Variants in PPM1A observed in about 807,000 individuals in gnomAD.
PPM1A encodes protein phosphatase 1A.
Under a neutral mutation model 35.0 loss-of-function variants are expected in PPM1A, and 7 were observed. That is an observed-to-expected ratio of 0.20 (90% CI 0.11 to 0.38). The LOEUF (loss-of-function observed/expected upper bound fraction) is 0.38, where lower values mean the gene tolerates loss of function less well. Among genes scored for constraint, PPM1A ranks in the 10% least tolerant of loss-of-function variants. The pLI is 1.00. For synonymous variants in PPM1A, 153 were observed against 167.3 expected, an observed-to-expected ratio of 0.91 and a Z score of 0.66; for missense variants, 239 against 467.8, an observed-to-expected ratio of 0.51 and a Z score of 4.51.
chr14:60,284,722 CAT>C (rs752315572), intron 2 of PPM1A, among the ~76,000 whole-genome samples: 14 of 112,398 alleles, frequency 1.2e-4, no homozygotes, highest in East Asian at 4.6e-4. Context: ...TATATATATA[CAT>C]ATATATATAT....
In PPM1A at chr14:60,293,404, CTG is replaced by C. The variant is rs765861195; in HGVS notation, c.*925_*926del. ...TCTTTTACCCTGGCCTTTTAAAACA[CTG>C]TGCCGTTGTAATGAGACGTTTCTCA... On this transcript the variant is annotated 3_prime_UTR_variant, in exon 6 of 6. Transcript: ENST00000395076. The surrounding 1 kb of genome is among the most constrained non-coding windows in gnomAD (Gnocchi z 4.0). The C allele has an allele frequency of 6.6e-6, 1 of 152,012 alleles. No individual in the cohort carries two copies. Among genetic ancestry groups the C allele is most frequent in the Non-Finnish European group, 1.5e-5 (1 of 67,946 alleles). The allele number at this position is 152,012 out of a possible 1,614,324, so 9.4% of individuals were successfully genotyped here. A position where few individuals can be genotyped will look rare whatever the true frequency, so the allele number is the denominator to read the frequency against.
rs1887400772 is a variant in PPM1A, at chr14:60,289,540, T to G, written c.953-266T>G. On this transcript the variant is annotated intron_variant, in intron 3 of 5. Coordinates refer to ENST00000395076, the MANE Select transcript of PPM1A (RefSeq NM_021003.5). This position sits in a 1 kb window ranked among gnomAD's most constrained non-coding sequence, Gnocchi z 4.1. ...TATTCTCACTTGTGCACACATATCC[T>G]TGATTATATAATATGCTGATTTAAC... 6.6e-6 allele frequency among the ~76,000 whole-genome samples: 1 copy of G among 152,178 alleles called. No homozygotes were observed. The highest frequency in any genetic ancestry group is 1.5e-5 in the Non-Finnish European group (1 of 68,012).
At chr14:60,269,473 C>T (rs545146616) in intron 1 of PPM1A, among the ~76,000 whole-genome samples, 1 of 152,164 alleles carries the variant, frequency 6.6e-6, no homozygotes, top group East Asian at 1.9e-4. Flanking sequence ...GGCATTACTT[C>T]GTTGCCTATC....
At chr14:60,255,472 A>G (rs986674610) in intron 1 of PPM1A, among the ~76,000 whole-genome samples, 22 of 152,244 alleles carry the variant, frequency 1.4e-4, no homozygotes, top group African/African-American at 4.8e-4. Context: ...CGCCCGGCCT[A>G]TCATATGTTT....
chr14:60,276,650 T>C (rs1428197951), intron 1 of PPM1A, among the ~76,000 whole-genome samples: 2 of 152,192 alleles, frequency 1.3e-5, no homozygotes, highest in African/African-American at 4.8e-5. Flanking sequence ...TAGAAAAATA[T>C]GTAGGGTTTT....
At chr14:60,276,976 T>C in intron 1 of PPM1A, 1 of 975,858 alleles carries the variant, frequency 1.0e-6, no homozygotes, top group Non-Finnish European at 1.3e-6. Context: ...TTATATCAAA[T>C]ATTAATTCAG....
In PPM1A at chr14:60,296,100, G is replaced by A. The variant is rs1193886315; in HGVS notation, c.*3618G>A. 6.6e-6 allele frequency: 1 copy of A among 151,580 alleles called. No individual in the cohort carries two copies. Among genetic ancestry groups the A allele is most frequent in the East Asian group, 1.9e-4 (1 of 5,198 alleles). The allele number at this position is 151,580 out of a possible 1,614,324, so 9.4% of individuals were successfully genotyped here. On this transcript the variant is annotated 3_prime_UTR_variant, in exon 6 of 6. Coordinates refer to ENST00000395076, the MANE Select transcript of PPM1A (RefSeq NM_021003.5). The surrounding 1 kb of genome is among the most constrained non-coding windows in gnomAD (Gnocchi z 4.4). ...AAATGTAGGTGGGGTTTGAGTTTAA[G>A]GCATTTAAAAATGTAAATATCTCTA...
intron 1 of PPM1A, among the ~76,000 whole-genome samples, chr14:60,266,074 A>T (rs1418236679): frequency 6.6e-6 from 1 of 152,188 alleles, no homozygotes; most frequent in East Asian, 1.9e-4. Flanking sequence ...ATTGGGTGTA[A>T]TAATTTTTTA....
At chr14:60,250,776 A>G (rs1039941201) in intron 1 of PPM1A, among the ~76,000 whole-genome samples, 4 of 152,318 alleles carry the variant, frequency 2.6e-5, no homozygotes, top group East Asian at 1.9e-4. Flanking sequence ...ACCACTTTAC[A>G]TGTGTTGCGC....
chr14:60,263,951 TCTA>T (rs965135071), intron 1 of PPM1A, among the ~76,000 whole-genome samples: 1 of 147,274 alleles, frequency 6.8e-6, no homozygotes, highest in Non-Finnish European at 1.5e-5. Flanking sequence ...CAATGTAATT[TCTA>T]CTTTTTTTTT....
intron 1 of PPM1A, among the ~76,000 whole-genome samples, chr14:60,251,842 GA>G (rs1224806732): frequency 6.6e-6 from 1 of 151,838 alleles, no homozygotes; most frequent in Non-Finnish European, 1.5e-5. Flanking sequence ...AAACTCTTGA[GA>G]GGAAGGAGGA....
At position 60,249,900 on chromosome 14, in the gene PPM1A, CGGG is replaced by C. The variant is rs1298848893; in HGVS notation, c.-21+225_-21+227del. On this transcript the variant is annotated intron_variant, in intron 1 of 5. Transcript: ENST00000395076. The surrounding 1 kb of genome is among the most constrained non-coding windows in gnomAD (Gnocchi z 4.5). ...GAGGGCGGTGGCGGGGAGGCGGGGG[CGGG>C]GTGTTAGTTGCGGTGGCGCGGGGAG... is the stretch of plus-strand genomic sequence containing the variant. Among the ~76,000 whole-genome samples the C allele has an allele frequency of 6.7e-5, 10 of 149,524 alleles. No individual in the cohort carries two copies. The highest frequency in any genetic ancestry group is 5.3e-4 in the Admixed American group (8 of 15,118).
rs1332057423 is a variant in PPM1A, at chr14:60,273,449, G to T, written c.-20-9235G>T. On this transcript the variant is annotated intron_variant, in intron 1 of 5. Transcript: ENST00000395076. The surrounding 1 kb of genome is among the most constrained non-coding windows in gnomAD (Gnocchi z 4.3). ...TGTAGGAGAAGGGACAGTATGAAGT[G>T]AGATGCGGCTAGAGAAGGTACGTAG... 6.6e-6 allele frequency among the ~76,000 whole-genome samples: 1 copy of T among 152,202 alleles called. No individual in the cohort carries two copies. Among genetic ancestry groups the T allele is most frequent in the Non-Finnish European group, 1.5e-5 (1 of 68,018 alleles).
intron 1 of PPM1A, among the ~76,000 whole-genome samples, chr14:60,274,581 G>C (rs1885527428): frequency 6.6e-6 from 1 of 151,206 alleles, no homozygotes; most frequent in African/African-American, 2.5e-5. Context: ...ACCAAAGCTA[G>C]TCTAGTAGAG....
intron 1 of PPM1A, among the ~76,000 whole-genome samples, chr14:60,269,583 C>G (rs902557626): frequency 1.3e-5 from 2 of 152,054 alleles, no homozygotes; most frequent in Non-Finnish European, 2.9e-5. Context: ...CAGTCTTGCT[C>G]TGTCACCCAG....
chr14:60,257,927 A>G (rs1445574071), intron 1 of PPM1A, among the ~76,000 whole-genome samples: 1 of 152,172 alleles, frequency 6.6e-6, no homozygotes, highest in Non-Finnish European at 1.5e-5. Flanking sequence ...AGGAAATAAA[A>G]TTTTCACTTT....
intron 2 of PPM1A, among the ~76,000 whole-genome samples, chr14:60,285,254 T>C (rs1191862212): frequency 6.6e-6 from 1 of 152,264 alleles, no homozygotes; most frequent in Non-Finnish European, 1.5e-5. Flanking sequence ...TCATGTTGTA[T>C]GGAAGGAGTG....
chr14:60,263,609 C>G (rs77671863), intron 1 of PPM1A, among the ~76,000 whole-genome samples: 4,006 of 152,048 alleles, frequency 0.026, 156 homozygotes, highest in African/African-American at 0.091. Flanking sequence ...TCTAGTGTAC[C>G]CATCACCCAA....
intron 1 of PPM1A, among the ~76,000 whole-genome samples, chr14:60,255,888 T>C (rs1393782208): frequency 1.3e-5 from 2 of 152,216 alleles, no homozygotes; most frequent in Non-Finnish European, 1.5e-5. Context: ...ACATTTATAA[T>C]CACATATCTC....
Sources: allele counts gnomAD v4.1 joint callset (sites outside exome capture counted in the v4.1 genomes callset), GRCh38; gene constraint gnomAD v4.1.1; non-coding constraint Gnocchi (gnomAD v3.1); transcripts MANE v1.5; gene names NCBI Gene and HGNC (gene_info 2026-07-23, HGNC 2026-07-21).